PRKCZ: variants seen among roughly 807,000 people sequenced by gnomAD.
PRKCZ encodes protein kinase C zeta.
In PRKCZ, 33 loss-of-function variants were observed where a neutral mutation model predicts 79.5. The observed-to-expected ratio is 0.41, with a 90% CI of 0.31 to 0.55. The LOEUF is 0.55. Among genes scored for constraint, PRKCZ ranks in the 20% least tolerant of loss-of-function variants. PRKCZ has a pLI of 0.19. For missense variants in PRKCZ, 578 were observed against 813.5 expected (o/e 0.71, Z 3.52); for synonymous variants, 342 against 320.9 (o/e 1.07, Z -0.70).
chr1:2,172,413 C>T lies in PRKCZ; in HGVS notation c.1285+25C>T. ...GGTGAGTGCCGCTGCCCTGGCCCCT[C>T]TCGGAGCACACAGGGCCAGAGATGG... On this transcript the variant is annotated intron_variant, in intron 13 of 17. Coordinates refer to ENST00000378567, the MANE Select transcript of PRKCZ (RefSeq NM_002744.6). The surrounding 1 kb of genome is among the most constrained non-coding windows in gnomAD (Gnocchi z 7.8). 1.2e-6 allele frequency: 2 copies of T among 1,600,728 alleles called. No homozygotes were observed. The highest frequency in any genetic ancestry group is 1.1e-5 in the South Asian group (1 of 89,442).
At chr1:2,052,876 AC>A (rs1489213033) in intron 1 of PRKCZ, among the ~76,000 whole-genome samples, 1 of 151,736 alleles carries the variant, frequency 6.6e-6, no homozygotes, top group African/African-American at 2.4e-5. Flanking sequence ...CACTTCAGTC[AC>A]CCCCATGGGG....
At chr1:2,135,426 G>C (rs182930179) in intron 5 of PRKCZ, 79 bp downstream of exon 5, 7 of 1,322,764 alleles carry the variant, frequency 5.3e-6, no homozygotes, top group East Asian at 2.5e-5. Flanking sequence ...GGGGAGGCAC[G>C]TCCCGCTGAG....
In PRKCZ at chr1:2,174,782, C is replaced by T. The variant is rs1685121624; in HGVS notation, c.1434C>T (p.Pro478=). 16 of 1,614,152 alleles carry T rather than the reference C, an allele frequency of 9.9e-6. No individual in the cohort carries two copies. Among genetic ancestry groups the T allele is most frequent in the Non-Finnish European group, 1.4e-5 (16 of 1,180,018 alleles). Residue 478 remains proline, a synonymous_variant, in exon 15 of 18, where the codon CCC becomes CCT. Transcript: ENST00000378567. This position sits in a 1 kb window ranked among gnomAD's most constrained non-coding sequence, Gnocchi z 6.2. ...QVILEKPIRI[P]RFLSVKASHV... The stretch of plus-strand genomic sequence containing the variant: ...TCCTGGAGAAGCCCATCCGGATCCC[C>T]CGGTTCCTGTCCGTCAAAGCCTCCC...
intron 4 of PRKCZ, among the ~76,000 whole-genome samples, chr1:2,087,029 T>A (rs1664644903): frequency 6.6e-6 from 1 of 152,188 alleles, no homozygotes; most frequent in South Asian, 2.1e-4. Flanking sequence ...AGTATGATGG[T>A]CAGTTGGCTT....
At position 2,050,655 on chromosome 1, in the gene PRKCZ, A is replaced by T; in HGVS notation, c.25A>T (p.Met9Leu). 1 of 1,223,102 alleles carries T rather than the reference A, an allele frequency of 8.2e-7. No individual in the cohort carries two copies. The highest frequency in any genetic ancestry group is 1.0e-6 in the Non-Finnish European group (1 of 982,328). 75.8% of individuals were successfully genotyped at this position (1,223,102 alleles called of 1,614,324 possible). A position where few individuals can be genotyped will look rare whatever the true frequency, so the allele number is the denominator to read the frequency against. ...CATGCCCAGCAGGACCGGCCCCAAGATGGAAGGGAGCGGCGGCCGCGTCCG... is the reference window on the plus strand; with the variant it reads ...CATGCCCAGCAGGACCGGCCCCAAGTTGGAAGGGAGCGGCGGCCGCGTCCG... The part of the protein sequence containing the change: MPSRTGPK[M>L]EGSGGRVRLK... Residue 9 changes from methionine (M) to leucine (L), a missense_variant, in exon 1 of 18, where the codon ATG (methionine) becomes TTG (leucine). This residue lies in a region of PRKCZ where 228 missense variants were observed against 211.6 expected (regional missense o/e 1.08). Transcript: ENST00000378567.
At chr1:2,054,517 G>A (rs529304269) in intron 1 of PRKCZ, among the ~76,000 whole-genome samples, 4 of 152,010 alleles carry the variant, frequency 2.6e-5, no homozygotes, top group African/African-American at 7.2e-5. Flanking sequence ...TGGAGTTCAG[G>A]TCCTGTCTGG....
chr1:2,051,610 C>T (rs565575615), intron 1 of PRKCZ, among the ~76,000 whole-genome samples: 10 of 152,336 alleles, frequency 6.6e-5, no homozygotes, highest in Admixed American at 5.2e-4. Context: ...GCTGCTCCTG[C>T]CCCGGTGCGT....
At chr1:2,162,773 G>A (rs777034564) in intron 10 of PRKCZ, among the ~76,000 whole-genome samples, 4 of 152,154 alleles carry the variant, frequency 2.6e-5, no homozygotes, top group Non-Finnish European at 5.9e-5. Context: ...TTTGTCTTGA[G>A]TGTTTCATCT....
chr1:2,107,737 G>A (rs1479173611), intron 4 of PRKCZ, among the ~76,000 whole-genome samples: 2 of 151,958 alleles, frequency 1.3e-5, no homozygotes, highest in African/African-American at 2.4e-5. Flanking sequence ...GTGCCTCTCC[G>A]GCCCTTCGGC....
At chr1:2,053,493 G>A (rs116140727) in intron 1 of PRKCZ, among the ~76,000 whole-genome samples, 297 of 152,310 alleles carry the variant, frequency 1.9e-3, no homozygotes, top group African/African-American at 7.0e-3. Context: ...TCTCCCGGGC[G>A]GCCCAGCTGG....
intron 4 of PRKCZ, among the ~76,000 whole-genome samples, chr1:2,098,194 A>G (rs1488797077): frequency 6.6e-6 from 1 of 152,212 alleles, no homozygotes; most frequent in Non-Finnish European, 1.5e-5. Flanking sequence ...AAGGATATGT[A>G]AAGTACAAGG....
upstream of PRKCZ, chr1:2,049,555 A>T (rs1322666396): frequency 6.6e-6 from 1 of 152,254 alleles, no homozygotes; most frequent in East Asian, 1.9e-4. Flanking sequence ...GTCCACTCTC[A>T]GGGGAGAGGG....
At chr1:2,114,986 T>C (rs1385210347) in intron 4 of PRKCZ, among the ~76,000 whole-genome samples, 1 of 152,272 alleles carries the variant, frequency 6.6e-6, no homozygotes, top group East Asian at 1.9e-4. Context: ...CAAAGCAAAC[T>C]GCACCGCGTC....
intron 10 of PRKCZ, among the ~76,000 whole-genome samples, chr1:2,163,976 A>G (rs376717240): frequency 1.1e-4 from 16 of 151,844 alleles, no homozygotes; most frequent in African/African-American, 2.9e-4. Context: ...CATTGTTACG[A>G]TTTTTACTCC....
At chr1:2,181,676 A>G in intron 16 of PRKCZ, 1 of 360,982 alleles carries the variant, frequency 2.8e-6, no homozygotes, top group South Asian at 2.0e-5. Context: ...GGAGCAGAGA[A>G]CGGGCTGGGC....
chr1:2,094,164 C>T lies in PRKCZ; in HGVS notation c.334+34573C>T, dbSNP rs1666008239. ...TCAGAGCCCTCCGTCGCCATCCCTC[C>T]CCCGTCCCGGGAGCAGCCCCCCCAC... is the stretch of plus-strand genomic sequence containing the variant. On this transcript the variant is annotated intron_variant, in intron 4 of 17. Coordinates refer to ENST00000378567, the MANE Select transcript of PRKCZ (RefSeq NM_002744.6). This position sits in a 1 kb window ranked among gnomAD's most constrained non-coding sequence, Gnocchi z 7.3. Among the ~76,000 whole-genome samples, 1 of 152,156 alleles carries T rather than the reference C, an allele frequency of 6.6e-6. No individual in the cohort carries two copies.
chr1:2,171,524 C>T, intron 11 of PRKCZ: 1 of 153,060 alleles, frequency 6.5e-6, no homozygotes, highest in Non-Finnish European at 1.5e-5. Flanking sequence ...CGCCACCATA[C>T]CCGGCTAATT....
chr1:2,056,743 T>TC (rs1182699798), intron 3 of PRKCZ, among the ~76,000 whole-genome samples, 170 bp downstream of exon 3: 1 of 151,390 alleles, frequency 6.6e-6, no homozygotes, highest in Non-Finnish European at 1.5e-5. Context: ...TTTTTTTTTT[T>TC]TTTGAGACGG....
At chr1:2,120,583 ACCGT>A (rs1671695425) in intron 4 of PRKCZ, among the ~76,000 whole-genome samples, 1 of 151,740 alleles carries the variant, frequency 6.6e-6, no homozygotes, top group Admixed American at 6.6e-5. Flanking sequence ...GGTGTGAGCC[ACCGT>A]GCCCGGCCAG....
Sources: allele counts gnomAD v4.1 joint callset (sites outside exome capture counted in the v4.1 genomes callset), GRCh38; gene constraint gnomAD v4.1.1; regional missense constraint gnomAD v4.1.1; non-coding constraint Gnocchi (gnomAD v3.1); transcripts MANE v1.5; gene names NCBI Gene and HGNC (gene_info 2026-07-23, HGNC 2026-07-21).